CRADD: variants seen among roughly 807,000 people sequenced by gnomAD.
CRADD encodes death domain-containing protein CRADD.
Under a neutral mutation model 15.5 loss-of-function variants are expected in CRADD, and 9 were observed. The observed-to-expected ratio is 0.58, with a 90% CI of 0.35 to 1.01. CRADD has a LOEUF of 1.01. Ranked by LOEUF, CRADD falls within the 50% of genes least tolerant of loss-of-function variation. The probability of loss-of-function intolerance (pLI) is 0.02; values close to 1 mark genes in which losing one functional copy is unlikely to be tolerated. For missense variants in CRADD, 227 were observed against 250.3 expected, an observed-to-expected ratio of 0.91 and a Z score of 0.63; for synonymous variants, 118 against 107.6, an observed-to-expected ratio of 1.10 and a Z score of -0.60.
At chr12:93,888,437 A>G (rs1958553677) in intron 2 of CRADD, among the ~76,000 whole-genome samples, 1 of 151,732 alleles carries the variant, frequency 6.6e-6, no homozygotes, top group Admixed American at 6.6e-5. Context: ...AAAAAAAAAA[A>G]AAAGATAGAG....
chr12:93,695,976 A>C (rs1265046462), intron 2 of CRADD, among the ~76,000 whole-genome samples: 2 of 152,256 alleles, frequency 1.3e-5, no homozygotes, highest in African/African-American at 4.8e-5. Flanking sequence ...CAACAGGTAT[A>C]TGAAAAAATG....
intron 2 of CRADD, among the ~76,000 whole-genome samples, chr12:93,876,502 A>C (rs543280213): frequency 6.6e-6 from 1 of 151,986 alleles, no homozygotes; most frequent in African/African-American, 2.4e-5. Flanking sequence ...GGTGTGCTTC[A>C]TTGTTATTCA....
intron 2 of CRADD, among the ~76,000 whole-genome samples, chr12:93,721,761 T>C (rs1267868075): frequency 3.9e-5 from 6 of 152,184 alleles, no homozygotes; most frequent in Admixed American, 3.9e-4. Flanking sequence ...TGGTATCCAC[T>C]GGGGGTGGGG....
At chr12:93,772,545 A>C (rs1376861699) in intron 2 of CRADD, among the ~76,000 whole-genome samples, 1 of 152,212 alleles carries the variant, frequency 6.6e-6, no homozygotes, top group Non-Finnish European at 1.5e-5. Context: ...TTAACATGCA[A>C]ATACTTGTCT....
At chr12:93,761,889 G>A (rs1055514659) in intron 2 of CRADD, among the ~76,000 whole-genome samples, 5 of 152,174 alleles carry the variant, frequency 3.3e-5, no homozygotes, top group African/African-American at 1.2e-4. Flanking sequence ...GAAGAATCCT[G>A]CCTATGCTTT....
intron 2 of CRADD, among the ~76,000 whole-genome samples, chr12:93,704,602 G>A (rs541031306): frequency 4.6e-5 from 7 of 152,226 alleles, no homozygotes; most frequent in Non-Finnish European, 8.8e-5. Context: ...CCCGTAAAAC[G>A]TTTTCCACAT....
intron 2 of CRADD, among the ~76,000 whole-genome samples, chr12:93,741,408 A>G (rs970583222): frequency 1.3e-5 from 2 of 152,232 alleles, no homozygotes; most frequent in African/African-American, 4.8e-5. Context: ...ATTAGCGACT[A>G]AGGATTATAG....
chr12:93,763,182 A>C (rs1956988442), intron 2 of CRADD, among the ~76,000 whole-genome samples: 1 of 152,250 alleles, frequency 6.6e-6, no homozygotes, highest in Non-Finnish European at 1.5e-5. Flanking sequence ...AGCAAATAGG[A>C]GGTAGAGCTG....
intron 2 of CRADD, among the ~76,000 whole-genome samples, chr12:93,748,985 A>G (rs927602276): frequency 1.3e-5 from 2 of 152,214 alleles, no homozygotes; most frequent in Non-Finnish European, 2.9e-5. Flanking sequence ...GGCTGGTGGT[A>G]CTATAGCTCT....
At chr12:93,731,501 ATGACT>A (rs1487029155) in intron 2 of CRADD, among the ~76,000 whole-genome samples, 1 of 152,216 alleles carries the variant, frequency 6.6e-6, no homozygotes, top group African/African-American at 2.4e-5. Flanking sequence ...TTCTATTTCA[ATGACT>A]GTGTTTAAAG....
chr12:93,877,292 G>A (rs530368915), intron 2 of CRADD, among the ~76,000 whole-genome samples: 1 of 152,184 alleles, frequency 6.6e-6, no homozygotes, highest in South Asian at 2.1e-4. Flanking sequence ...TTCACCAAAG[G>A]CCTGATGTAA....
intron 2 of CRADD, chr12:93,815,621 G>A (rs1450256916): frequency 6.6e-6 from 1 of 152,200 alleles, no homozygotes; most frequent in Non-Finnish European, 1.5e-5. Flanking sequence ...TAAAAAGTGT[G>A]TTTTATTTGA....
At chr12:93,734,059 C>T (rs182505419) in intron 2 of CRADD, among the ~76,000 whole-genome samples, 4 of 151,724 alleles carry the variant, frequency 2.6e-5, no homozygotes, top group Non-Finnish European at 4.4e-5. Flanking sequence ...TTCCCTTCCT[C>T]CCTCCTTCCC....
At position 93,738,756 on chromosome 12, in the gene CRADD, G is replaced by A. The variant is rs531917890; in HGVS notation, c.298+59684G>A. On this transcript the variant is annotated intron_variant, in intron 2 of 2. Coordinates refer to ENST00000332896, the MANE Select transcript of CRADD (RefSeq NM_003805.5). ...AGATAACAGGGACCCTATTCAAACA[G>A]AATAAAAATAATTAGTAAGTCACAA... The A allele has an allele frequency of 1.9e-5, 5 of 258,110 alleles. No individual in the cohort carries two copies. In the Admixed American group the frequency reaches 2.7e-4, roughly 14 times the overall value. The allele number at this position is 258,110 out of a possible 1,614,324, so 16.0% of individuals were successfully genotyped here.
At position 93,678,850 on chromosome 12, in the gene CRADD, G is replaced by C; in HGVS notation, c.76G>C (p.Val26Leu). ...LGAEVLVEGLVLQYLYQEGIL... is the reference protein window; with the variant it reads ...LGAEVLVEGLLLQYLYQEGIL... ...TGCAGAGGTATTGGTGGAGGGACTG[G>C]TTCTTCAGTACCTCTACCAGGAAGG... is the stretch of plus-strand genomic sequence containing the variant. Residue 26 changes from valine to leucine, a missense_variant, in exon 2 of 3, where the codon GTT becomes CTT. Transcript: ENST00000332896. 1 of 1,614,174 alleles carries C rather than the reference G, an allele frequency of 6.2e-7. No homozygotes were observed. Among genetic ancestry groups the C allele is most frequent in the Non-Finnish European group, 8.5e-7 (1 of 1,180,024 alleles).
chr12:93,711,147 G>T (rs1956066201), intron 2 of CRADD, among the ~76,000 whole-genome samples: 1 of 146,712 alleles, frequency 6.8e-6, no homozygotes, highest in African/African-American at 2.5e-5. Flanking sequence ...AAAAGCCAAA[G>T]GAATCTGAAG....
chr12:93,883,436 G>A (rs899557739), intron 2 of CRADD, among the ~76,000 whole-genome samples: 6 of 152,122 alleles, frequency 3.9e-5, no homozygotes, highest in South Asian at 2.1e-4. Flanking sequence ...ATTATTTACT[G>A]AGATAGTAAT....
At chr12:93,888,269 C>CA (rs930196053) in intron 2 of CRADD, among the ~76,000 whole-genome samples, 3 of 151,840 alleles carry the variant, frequency 2.0e-5, no homozygotes, top group African/African-American at 4.8e-5. Flanking sequence ...ACTAAAAATA[C>CA]AAAAAAATTA....
intron 2 of CRADD, among the ~76,000 whole-genome samples, chr12:93,820,458 A>G (rs1957756667): frequency 6.6e-6 from 1 of 151,978 alleles, no homozygotes; most frequent in African/African-American, 2.4e-5. Context: ...CTGAGGCAGG[A>G]GAATGGCGTG....
Sources: allele counts gnomAD v4.1 joint callset (sites outside exome capture counted in the v4.1 genomes callset), GRCh38; gene constraint gnomAD v4.1.1; transcripts MANE v1.5; gene names NCBI Gene and HGNC (gene_info 2026-07-23, HGNC 2026-07-21).